BICD1: variants seen among roughly 807,000 people sequenced by gnomAD.
BICD1 encodes protein bicaudal D homolog 1.
In BICD1, 35 loss-of-function variants were observed where a neutral mutation model predicts 92.5. The observed-to-expected ratio is 0.38, with a 90% CI of 0.29 to 0.50. The LOEUF (loss-of-function observed/expected upper bound fraction) is 0.50, where lower values mean the gene tolerates loss of function less well. BICD1 is among the 20% of genes least tolerant of loss of function. BICD1 has a pLI of 0.93. For synonymous variants in BICD1, 429 were observed against 465.1 expected, an observed-to-expected ratio of 0.92 and a Z score of 1.00; for missense variants, 950 against 1,189.8, an observed-to-expected ratio of 0.80 and a Z score of 2.97.
At chr12:32,199,172 T>C (rs1383844557) in intron 1 of BICD1, among the ~76,000 whole-genome samples, 1 of 152,204 alleles carries the variant, frequency 6.6e-6, no homozygotes, top group East Asian at 1.9e-4. Flanking sequence ...CAAAAAAAGA[T>C]ATTGAAGATA....
intron 8 of BICD1, among the ~76,000 whole-genome samples, chr12:32,349,384 A>G (rs1351430087): frequency 6.6e-6 from 1 of 152,178 alleles, no homozygotes; most frequent in Admixed American, 6.5e-5. Flanking sequence ...ACATATTATG[A>G]GAAAGTCACA....
chr12:32,213,593 G>T (rs925097691), intron 1 of BICD1, among the ~76,000 whole-genome samples: 1 of 152,108 alleles, frequency 6.6e-6, no homozygotes, highest in Non-Finnish European at 1.5e-5. Context: ...ACAGGGTTTT[G>T]CCATGTTGGC....
At chr12:32,304,749 G>A (rs1218292766) in intron 3 of BICD1, among the ~76,000 whole-genome samples, 1 of 152,190 alleles carries the variant, frequency 6.6e-6, no homozygotes, top group East Asian at 1.9e-4. Context: ...CAGGTGCAGT[G>A]GCTCACACAT....
chr12:32,293,738 A>G (rs1947785488), intron 2 of BICD1, among the ~76,000 whole-genome samples: 1 of 152,202 alleles, frequency 6.6e-6, no homozygotes, highest in South Asian at 2.1e-4. Context: ...GTGTAAGTAT[A>G]CATGGATTTG....
Position 32,305,734 on chromosome 12 carries a change from T to C in BICD1, c.617T>C (p.Phe206Ser). ...GGCTTAAAGCATGAGATTAAGCGATTTGAGGAGGAGACGGTACTGCTGAAC... is the reference window on the plus strand; with the variant it reads ...GGCTTAAAGCATGAGATTAAGCGATCTGAGGAGGAGACGGTACTGCTGAAC... ...YEGLKHEIKR[F>S]EEETVLLNSQ... The change falls in exon 4 of 10, where the codon TTT becomes TCT. Residue 206 changes from phenylalanine (F) to serine (S), a missense_variant. By Grantham distance (155) the Phe-to-Ser change is radical. Coordinates refer to ENST00000652176, the MANE Select transcript of BICD1 (RefSeq NM_001714.4). 1 of 1,613,822 alleles carries C rather than the reference T, an allele frequency of 6.2e-7. No homozygotes were observed. The highest frequency in any genetic ancestry group is 8.5e-7 in the Non-Finnish European group (1 of 1,179,948).
chr12:32,261,414 G>A (rs1946855399), intron 2 of BICD1, among the ~76,000 whole-genome samples: 1 of 152,042 alleles, frequency 6.6e-6, no homozygotes, highest in South Asian at 2.1e-4. Context: ...GTCTTTGTGG[G>A]CTCTCACTGG....
At chr12:32,367,896 T>G (rs141351414) in intron 9 of BICD1, 151 bp downstream of exon 9, 3 of 676,776 alleles carry the variant, frequency 4.4e-6, no homozygotes, top group Non-Finnish European at 7.6e-6. Context: ...ATTGGACACC[T>G]GCAGTCCCTG....
rs762369260 is a variant in BICD1, at chr12:32,294,025, G to A, written c.458G>A (p.Arg153Gln). The A allele has an allele frequency of 1.7e-5, 27 of 1,613,178 alleles. No individual in the cohort carries two copies. Among genetic ancestry groups the A allele is most frequent in the South Asian group, 1.5e-4 (14 of 90,842 alleles). Reference protein sequence around the residue: ...NNEMVELQRIRMKDEIREYKF... With the variant: ...NNEMVELQRIQMKDEIREYKF... ...GAGATGGTGGAGCTACAGAGAATAC[G>A]GATGAAGGATGAAATCCGAGAATAT... Residue 153 changes from arginine (R) to glutamine (Q), a missense_variant, in exon 3 of 10, where the codon CGG becomes CAG. Arg to Gln is a conservative substitution (Grantham distance 43). Transcript: ENST00000652176.
intron 2 of BICD1, among the ~76,000 whole-genome samples, chr12:32,249,767 G>A (rs562059658): frequency 6.7e-6 from 1 of 148,500 alleles, no homozygotes; most frequent in Non-Finnish European, 1.5e-5. Context: ...ATTATATTTT[G>A]TTCATTCTTT....
chr12:32,338,932 A>T lies in BICD1; in HGVS notation c.2717A>T (p.Gln906Leu), dbSNP rs1938244066. 8 of 1,608,318 alleles carry T rather than the reference A, an allele frequency of 5.0e-6. No individual in the cohort carries two copies. Among genetic ancestry groups the T allele is most frequent in the East Asian group, 4.5e-5 (2 of 44,234 alleles). Residue 906 changes from glutamine to leucine, a missense_variant, in exon 8 of 10, where the codon CAA (glutamine) becomes CTA (leucine). Physicochemically the swap from Gln to Leu is moderately radical, Grantham distance 113. Transcript: ENST00000652176. ...KGPPSMSEFI[Q>L]GHRLSKEKRL... Reference sequence around the variant, plus strand: ...CCCCCTTCCATGAGTGAATTCATCCAAGGGCACCGGCTCAGCAAGGAAAAA... The same window carrying T: ...CCCCCTTCCATGAGTGAATTCATCCTAGGGCACCGGCTCAGCAAGGAAAAA...
At position 32,327,941 on chromosome 12, in the gene BICD1, G is replaced by A. The variant is rs141919751; in HGVS notation, c.1486G>A (p.Glu496Lys). 1.7e-5 allele frequency: 28 copies of A among 1,614,134 alleles called. No individual in the cohort carries two copies. Among genetic ancestry groups the A allele is most frequent in the South Asian group, 1.1e-5 (1 of 91,074 alleles). Reference sequence around the variant, plus strand: ...GCAAAAGATGACCAGCATAGCCAACGAAAATCACAGTACCCTTAATACGGC... The same window carrying A: ...GCAAAAGATGACCAGCATAGCCAACAAAAATCACAGTACCCTTAATACGGC... ...ELQKMTSIAN[E>K]NHSTLNTAQD... Residue 496 changes from glutamate to lysine, a missense_variant, in exon 5 of 10, where the codon GAA (glutamate) becomes AAA (lysine). Glu to Lys is a moderately conservative substitution (Grantham distance 56). This residue lies in a region of BICD1 where 309 missense variants were observed against 499.4 expected (regional missense o/e 0.62). Transcript: ENST00000652176.
chr12:32,146,887 C>T (rs1461886751), intron 1 of BICD1, among the ~76,000 whole-genome samples: 1 of 139,676 alleles, frequency 7.2e-6, no homozygotes, highest in Non-Finnish European at 1.5e-5. Context: ...CTTCCTCCTC[C>T]TCCTCTTCTT....
rs898981171 is a variant in BICD1, at chr12:32,240,239, A to G, written c.426+23780A>G. On this transcript the variant is annotated intron_variant, in intron 2 of 9. Transcript: ENST00000652176. ...GCCATATTAATTTTTTATGGCTGCT[A>G]TACCAAAGTACTATGAATTTTATGG... Among the ~76,000 whole-genome samples, 8 of 152,312 alleles carry G rather than the reference A, an allele frequency of 5.3e-5. No homozygotes were observed. The East Asian group carries it at 1.2e-3, about 22-fold the overall frequency.
intron 1 of BICD1, among the ~76,000 whole-genome samples, chr12:32,211,871 T>C (rs1357450510): frequency 6.6e-6 from 1 of 152,172 alleles, no homozygotes; most frequent in Non-Finnish European, 1.5e-5. Flanking sequence ...AACCTTCCCC[T>C]CCAGAGGCCT....
intron 9 of BICD1, among the ~76,000 whole-genome samples, chr12:32,372,929 T>C (rs1939794233): frequency 6.6e-6 from 1 of 152,170 alleles, no homozygotes; most frequent in Admixed American, 6.5e-5. Flanking sequence ...ACAGGCTAAT[T>C]CCATTGTAGA....
chr12:32,293,969 T>C (rs1947792215), intron 2 of BICD1, 25 bp from the exon 3 acceptor site: 2 of 1,603,592 alleles, frequency 1.2e-6, no homozygotes, highest in South Asian at 1.1e-5. Flanking sequence ...GAGTTATATA[T>C]TGACTGTTTA....
At chr12:32,288,633 A>G (rs953500093) in intron 2 of BICD1, among the ~76,000 whole-genome samples, 6 of 152,136 alleles carry the variant, frequency 3.9e-5, no homozygotes, top group Non-Finnish European at 7.3e-5. Flanking sequence ...TGGGAGGCCA[A>G]CGCAGGTGGA....
At chr12:32,346,616 G>GTGTATA (rs1555171266) in intron 8 of BICD1, among the ~76,000 whole-genome samples, 6 of 2,876 alleles carry the variant, frequency 2.1e-3, no homozygotes, top group African/African-American at 4.2e-3. Context: ...ATATATACGT[G>GTGTATA]TATATATATA....
At chr12:32,342,530 C>T (rs1262774860) in intron 8 of BICD1, among the ~76,000 whole-genome samples, 3 of 151,888 alleles carry the variant, frequency 2.0e-5, no homozygotes, top group African/African-American at 7.3e-5. Flanking sequence ...GGATTACAGG[C>T]GTGAGCCACT....
Sources: gnomAD v4.1 joint callset for allele counts (sites outside exome capture counted in the v4.1 genomes callset) on GRCh38, gnomAD v4.1.1 for gene constraint, gnomAD v4.1.1 regional missense constraint, MANE v1.5 for transcripts, NCBI Gene and HGNC (gene_info 2026-07-23, HGNC 2026-07-21) for gene names.